The following GARIN1A variants were observed in gnomAD, a reference collection of about 807,000 sequenced individuals.
The protein encoded by GARIN1A is Golgi-associated RAB2 interactor protein 1A.
the GARIN1A span, among the ~76,000 whole-genome samples, chr7:128,705,593 A>T: frequency 3.4e-5 from 5 of 148,030 alleles, no homozygotes; most frequent in African/African-American, 1.3e-4. Context: ...CTTAGCCTCT[A>T]TTGAAAACTT....
chr7:128,701,945 A>C, the GARIN1A span, among the ~76,000 whole-genome samples: 1 of 152,330 alleles, frequency 6.6e-6, no homozygotes, highest in South Asian at 2.1e-4. Context: ...GAATTACAGT[A>C]AACTTCTCAT....
the GARIN1A span, among the ~76,000 whole-genome samples, chr7:128,708,459 C>G: frequency 6.6e-6 from 1 of 151,828 alleles, no homozygotes; most frequent in African/African-American, 2.4e-5. Flanking sequence ...CAATGGTGAA[C>G]CCAGCTGGGC....
the GARIN1A span, among the ~76,000 whole-genome samples, chr7:128,700,524 C>G: frequency 1.3e-5 from 2 of 152,184 alleles, no homozygotes; most frequent in Non-Finnish European, 2.9e-5. Context: ...AGGTGATCTG[C>G]TCACCTCAGC....
the GARIN1A span, among the ~76,000 whole-genome samples, chr7:128,708,728 C>G: frequency 1.3e-5 from 2 of 152,192 alleles, no homozygotes; most frequent in Non-Finnish European, 2.9e-5. Flanking sequence ...GGCCACCTGA[C>G]TTAACCTCTT....
chr7:128,673,914 T>C, the GARIN1A span, among the ~76,000 whole-genome samples: 1 of 152,264 alleles, frequency 6.6e-6, no homozygotes, highest in Middle Eastern at 3.4e-3. Context: ...TCTTAATGTG[T>C]GCTTTTTTTT....
chr7:128,695,864 C>T, the GARIN1A span, among the ~76,000 whole-genome samples: 2 of 152,086 alleles, frequency 1.3e-5, no homozygotes, highest in African/African-American at 4.8e-5. The surrounding 1 kb of genome is among the most constrained non-coding windows in gnomAD (Gnocchi z 4.5). Flanking sequence ...TTATTTATTT[C>T]CTTTTCCTCC....
At chr7:128,679,916 G>C in the GARIN1A span, 1 of 564,438 alleles carries the variant, frequency 1.8e-6, no homozygotes, top group Non-Finnish European at 3.1e-6. Flanking sequence ...AGGTTCCCAG[G>C]GTTAGGGTGT....
chr7:128,689,011 C>T, the GARIN1A span, among the ~76,000 whole-genome samples: 1 of 151,160 alleles, frequency 6.6e-6, no homozygotes, highest in Non-Finnish European at 1.5e-5. Flanking sequence ...CTGTGTTGGC[C>T]GGGCTGGTCT....
At chr7:128,681,224 A>C in the GARIN1A span, among the ~76,000 whole-genome samples, 1 of 152,092 alleles carries the variant, frequency 6.6e-6, no homozygotes, top group African/African-American at 2.4e-5. Flanking sequence ...TAAAATATCT[A>C]ATGTCTGAAA....
the GARIN1A span, chr7:128,697,384 C>G: frequency 6.6e-6 from 1 of 152,304 alleles, no homozygotes; most frequent in African/African-American, 2.4e-5. Flanking sequence ...GTAAGCAGAG[C>G]GGACAACTCT....
At chr7:128,695,426 C>T in the GARIN1A span, among the ~76,000 whole-genome samples, 3 of 152,236 alleles carry the variant, frequency 2.0e-5, no homozygotes, top group Non-Finnish European at 2.9e-5. This position sits in a 1 kb window ranked among gnomAD's most constrained non-coding sequence, Gnocchi z 4.5. Context: ...TGCATCTCCC[C>T]GGAATGGGGT....
At chr7:128,677,087 A>C in the GARIN1A span, among the ~76,000 whole-genome samples, 5 of 152,020 alleles carry the variant, frequency 3.3e-5, no homozygotes, top group Non-Finnish European at 5.9e-5. Flanking sequence ...ATTGGAGAAG[A>C]GTCAGTCTTA....
At chr7:128,692,612 G>A in the GARIN1A span, among the ~76,000 whole-genome samples, 1 of 152,164 alleles carries the variant, frequency 6.6e-6, no homozygotes, top group Non-Finnish European at 1.5e-5. Context: ...ATGGAATTCA[G>A]AGAAAAGAGA....
chr7:128,677,989 T>A, the GARIN1A span: 2 of 430,840 alleles, frequency 4.6e-6, no homozygotes, highest in Non-Finnish European at 8.2e-6. Context: ...GACCAGTCCC[T>A]AATATTAAGA....
At chr7:128,672,342 G>C in the GARIN1A span, 1 of 1,468,514 alleles carries the variant, frequency 6.8e-7, no homozygotes, top group Non-Finnish European at 9.3e-7. Flanking sequence ...CTGGCATTGG[G>C]CTGGGTCGGC....
chr7:128,707,125 T>C, the GARIN1A span, among the ~76,000 whole-genome samples: 1 of 152,078 alleles, frequency 6.6e-6, no homozygotes, highest in South Asian at 2.1e-4. Flanking sequence ...GGTATATACC[T>C]GTGAAGCCAA....
At chr7:128,679,279 G>A in the GARIN1A span, among the ~76,000 whole-genome samples, 7 of 151,420 alleles carry the variant, frequency 4.6e-5, no homozygotes, top group East Asian at 1.9e-4. Flanking sequence ...TGAAACCTCC[G>A]CCTCCCAGGT....
chr7:128,695,847 T>C, the GARIN1A span, among the ~76,000 whole-genome samples: 33 of 152,056 alleles, frequency 2.2e-4, no homozygotes, highest in Admixed American at 4.6e-4. This position sits in a 1 kb window ranked among gnomAD's most constrained non-coding sequence, Gnocchi z 4.5. Flanking sequence ...CCCAGCCATA[T>C]ATTATTTTAT....
the GARIN1A span, among the ~76,000 whole-genome samples, chr7:128,677,096 T>G: frequency 1.3e-5 from 2 of 151,802 alleles, no homozygotes; most frequent in Non-Finnish European, 2.9e-5. Context: ...GAGTCAGTCT[T>G]AGTAATCACC....
Sources: allele counts gnomAD v4.1 joint callset (sites outside exome capture counted in the v4.1 genomes callset), GRCh38; gene constraint gnomAD v4.1.1; non-coding constraint Gnocchi (gnomAD v3.1); transcripts MANE v1.5; gene names NCBI Gene and HGNC (gene_info 2026-07-23, HGNC 2026-07-21).